XKR6: variants seen among roughly 807,000 people sequenced by gnomAD.
The protein encoded by XKR6 is XK related 6.
In XKR6, 22 loss-of-function variants were observed where a neutral mutation model predicts 56.7. The observed-to-expected ratio is 0.39, with a 90% CI of 0.28 to 0.55. The LOEUF is 0.55. Ranked by LOEUF, XKR6 falls within the 20% of genes least tolerant of loss-of-function variation. The pLI is 0.66. For missense variants in XKR6, 852 were observed against 889.0 expected (o/e 0.96, Z 0.53); for synonymous variants, 524 against 387.8 (o/e 1.35, Z -4.13).
chr8:11,183,898 T>C (rs1455165185), intron 1 of XKR6, among the ~76,000 whole-genome samples: 14 of 152,160 alleles, frequency 9.2e-5, no homozygotes, highest in Admixed American at 9.2e-4. Flanking sequence ...ATGTACATAG[T>C]AGTGTTTATC....
intron 1 of XKR6, among the ~76,000 whole-genome samples, chr8:10,958,659 G>A (rs904243236): frequency 1.3e-5 from 2 of 152,214 alleles, no homozygotes; most frequent in Non-Finnish European, 2.9e-5. Flanking sequence ...GCAGGAGCCT[G>A]GACTCAGCCT....
At chr8:10,918,324 T>A (rs1274721039) in intron 2 of XKR6, among the ~76,000 whole-genome samples, 1 of 152,190 alleles carries the variant, frequency 6.6e-6, no homozygotes, top group Non-Finnish European at 1.5e-5. Context: ...TCTGGAAGAC[T>A]CAGGACATTT....
At chr8:10,988,508 C>A (rs545326068) in intron 1 of XKR6, among the ~76,000 whole-genome samples, 2 of 152,202 alleles carry the variant, frequency 1.3e-5, no homozygotes, top group Non-Finnish European at 2.9e-5. Context: ...CCCACTGTCA[C>A]GTAGATGCAA....
At chr8:11,113,461 A>C (rs916200019) in intron 1 of XKR6, among the ~76,000 whole-genome samples, 4 of 152,244 alleles carry the variant, frequency 2.6e-5, no homozygotes, top group Non-Finnish European at 5.9e-5. Flanking sequence ...TTGAACATGT[A>C]ATAGCTTAAA....
chr8:11,134,208 A>G (rs958942075), intron 1 of XKR6, among the ~76,000 whole-genome samples: 8 of 151,886 alleles, frequency 5.3e-5, no homozygotes, highest in African/African-American at 1.9e-4. Context: ...TCCCCAAACA[A>G]CCCTCTCCCA....
At chr8:11,116,426 A>T (rs1422681437) in intron 1 of XKR6, among the ~76,000 whole-genome samples, 1 of 152,164 alleles carries the variant, frequency 6.6e-6, no homozygotes, top group Non-Finnish European at 1.5e-5. Flanking sequence ...GCTGGAATGC[A>T]GTGACACAAT....
rs113284210 is a variant in XKR6, at chr8:11,143,873, G to A, written c.764+56703C>T. Among the ~76,000 whole-genome samples, 636 of 152,270 alleles carry A rather than the reference G, an allele frequency of 4.2e-3. 5 individuals are homozygous for A. Among genetic ancestry groups the A allele is most frequent in the Middle Eastern group, 0.024 (7 of 294 alleles). ...CAGAAATTGATTTTCCCACAGTTCT[G>A]GAGGCTGGAAGTGCAAGATCTAGGT... On this transcript the variant is annotated intron_variant, in intron 1 of 2. Coordinates refer to ENST00000416569, the MANE Select transcript of XKR6 (RefSeq NM_173683.4).
chr8:10,898,265 C>T lies in XKR6; in HGVS notation c.1613G>A (p.Gly538Glu), dbSNP rs1417469540. Residue 538 changes from glycine to glutamate, a missense_variant, in exon 3 of 3, where the codon GGG (glycine) becomes GAG (glutamate). By Grantham distance (98) the Gly-to-Glu change is moderately conservative. Transcript: ENST00000416569. This position sits in a 1 kb window ranked among gnomAD's most constrained non-coding sequence, Gnocchi z 6.6. ...GGCTCTGGTGGGCGTAACCTGGGTC[C>T]CCCGGTACCCAGGGATCTCAGGCGC... ...PMAPEIPGYR[G>E]TQVTPTRAVT... is the part of the protein sequence containing the mutation. The T allele has an allele frequency of 6.2e-7, 1 of 1,614,112 alleles. No homozygotes were observed. Among genetic ancestry groups the T allele is most frequent in the South Asian group, 1.1e-5 (1 of 91,082 alleles).
At chr8:11,167,941 A>G (rs1457514988) in intron 1 of XKR6, among the ~76,000 whole-genome samples, 1 of 151,624 alleles carries the variant, frequency 6.6e-6, no homozygotes, top group African/African-American at 2.4e-5. Flanking sequence ...GTACCAGAAG[A>G]TTAACTAAGA....
chr8:10,979,960 G>A (rs1316619556), intron 1 of XKR6, among the ~76,000 whole-genome samples: 2 of 152,208 alleles, frequency 1.3e-5, no homozygotes, highest in Non-Finnish European at 2.9e-5. Context: ...GGTTTCTTCG[G>A]GTTCACACAC....
intron 1 of XKR6, among the ~76,000 whole-genome samples, chr8:11,116,591 G>A (rs149082452): frequency 2.0e-3 from 301 of 152,136 alleles, no homozygotes; most frequent in African/African-American, 6.8e-3. Context: ...GGCTGGTCTC[G>A]CACTCCTGAC....
chr8:11,001,716 T>A (rs909669347), intron 1 of XKR6, among the ~76,000 whole-genome samples: 24 of 152,184 alleles, frequency 1.6e-4, no homozygotes, highest in African/African-American at 5.5e-4. Flanking sequence ...GAGCCCCATG[T>A]GTTAATGAGA....
At chr8:11,147,310 T>G (rs1801032842) in intron 1 of XKR6, among the ~76,000 whole-genome samples, 1 of 152,082 alleles carries the variant, frequency 6.6e-6, no homozygotes, top group Non-Finnish European at 1.5e-5. Context: ...AAATCAATAA[T>G]AAGAAGCCAA....
chr8:11,125,587 C>G (rs1799735701), intron 1 of XKR6, among the ~76,000 whole-genome samples: 1 of 152,088 alleles, frequency 6.6e-6, no homozygotes, highest in Non-Finnish European at 1.5e-5. Context: ...CTTCCTGAGA[C>G]CTATACACTC....
chr8:11,009,719 T>C (rs1798457919), intron 1 of XKR6, among the ~76,000 whole-genome samples: 1 of 152,178 alleles, frequency 6.6e-6, no homozygotes, highest in Non-Finnish European at 1.5e-5. Flanking sequence ...GATGGCATCC[T>C]GGAAGGTGTT....
intron 1 of XKR6, among the ~76,000 whole-genome samples, chr8:10,975,299 C>T (rs935369718): frequency 7.9e-5 from 12 of 152,202 alleles, no homozygotes; most frequent in Admixed American, 2.0e-4. Context: ...CAGGAGGCTT[C>T]GAGCGACTTC....
intron 1 of XKR6, among the ~76,000 whole-genome samples, chr8:11,047,745 G>A (rs938687951): frequency 2.0e-5 from 3 of 152,132 alleles, no homozygotes; most frequent in African/African-American, 4.8e-5. Context: ...GCCACCAAAC[G>A]ATACGTTTAC....
chr8:10,974,041 G>A (rs1471270742), intron 1 of XKR6, among the ~76,000 whole-genome samples: 1 of 152,210 alleles, frequency 6.6e-6, no homozygotes, highest in African/African-American at 2.4e-5. Context: ...AGATCACACA[G>A]GAAATGAATG....
chr8:11,011,523 G>A lies in XKR6; in HGVS notation c.765-86693C>T, dbSNP rs186592348. Among the ~76,000 whole-genome samples, 130 of 152,270 alleles carry A rather than the reference G, an allele frequency of 8.5e-4. 1 individual carries two copies. Among genetic ancestry groups the A allele is most frequent in the Admixed American group, 8.3e-3 (127 of 15,292 alleles). On this transcript the variant is annotated intron_variant, in intron 1 of 2. Coordinates refer to ENST00000416569, the MANE Select transcript of XKR6 (RefSeq NM_173683.4). ...TTACAGAGTTTCTTCTAAGTGCCACGTCTATTCCAGACACTAAGAAAACAG... is the reference window on the plus strand; with the variant it reads ...TTACAGAGTTTCTTCTAAGTGCCACATCTATTCCAGACACTAAGAAAACAG...
Sources: gnomAD v4.1 joint callset for allele counts (sites outside exome capture counted in the v4.1 genomes callset) on GRCh38, gnomAD v4.1.1 for gene constraint, Gnocchi (gnomAD v3.1) non-coding constraint, MANE v1.5 for transcripts, NCBI Gene and HGNC (gene_info 2026-07-23, HGNC 2026-07-21) for gene names.